The following STMND1 variants were observed in gnomAD, a reference collection of about 807,000 sequenced individuals.
The protein encoded by STMND1 is stathmin domain-containing protein 1.
STMND1 carries 17 observed loss-of-function variants against 23.0 expected under a neutral mutation model. That is an observed-to-expected ratio of 0.74 (90% CI 0.51 to 1.11). The LOEUF (loss-of-function observed/expected upper bound fraction) is 1.11, where lower values mean the gene tolerates loss of function less well. Among genes scored for constraint, STMND1 ranks in the 50% least tolerant of loss-of-function variants. The pLI, the probability that STMND1 is intolerant of heterozygous loss-of-function variation, is 0.00. For missense variants in STMND1, 305 were observed against 329.1 expected (o/e 0.93, Z 0.57); for synonymous variants, 114 against 119.9 (o/e 0.95, Z 0.32).
In STMND1 at chr6:17,120,747, T is replaced by C; in HGVS notation, c.400T>C (p.Tyr134His). 1.3e-6 allele frequency: 2 copies of C among 1,527,112 alleles called. No individual in the cohort carries two copies. The highest frequency in any genetic ancestry group is 1.7e-6 in the Non-Finnish European group (2 of 1,144,212). 94.6% of individuals were successfully genotyped at this position (1,527,112 alleles called of 1,614,324 possible). A position where few individuals can be genotyped will look rare whatever the true frequency, so the allele number is the denominator to read the frequency against. The stretch of plus-strand genomic sequence containing the variant: ...CAAAGTATTTAGAAATGGAGAATCA[T>C]ATGATGTCACGGCAAGTAATTTTGT... Reference protein sequence around the residue: ...HSKVFRNGESYDVTLTTTEKP... With the variant: ...HSKVFRNGESHDVTLTTTEKP... Residue 134 changes from tyrosine (Y) to histidine (H), a missense_variant, in exon 3 of 5, where the codon TAT becomes CAT. Tyr to His is a moderately conservative substitution (Grantham distance 83, BLOSUM62 2). Coordinates refer to ENST00000536551, the MANE Select transcript of STMND1 (RefSeq NM_001190766.2).
Position 17,103,282 on chromosome 6 carries a change from G to A in STMND1, c.81+944G>A, listed in dbSNP as rs114639237. Reference sequence around the variant, plus strand: ...GGGACTTATGGCCACCTTTCCGAAGGGTCATTTTTGGAGCTACTGTTCAAA... The same window carrying A: ...GGGACTTATGGCCACCTTTCCGAAGAGTCATTTTTGGAGCTACTGTTCAAA... On this transcript the variant is annotated intron_variant, in intron 1 of 4. Transcript: ENST00000536551. Among the ~76,000 whole-genome samples the A allele has an allele frequency of 7.3e-3, 1,116 of 152,252 alleles. 14 individuals are homozygous for A. Among genetic ancestry groups the A allele is most frequent in the African/African-American group, 0.026 (1,070 of 41,532 alleles).
intron 1 of STMND1, chr6:17,110,629 G>A (rs1206241562): frequency 1.3e-5 from 4 of 318,282 alleles, no homozygotes; most frequent in South Asian, 7.6e-5. Context: ...TTAGCCGGGC[G>A]TGGTGGTGCG....
rs1471979090 is a variant in STMND1, at chr6:17,102,307, C to A, written c.50C>A (p.Ala17Glu). 1.0e-5 allele frequency: 16 copies of A among 1,536,002 alleles called. No homozygotes were observed. Among genetic ancestry groups the A allele is most frequent in the Admixed American group, 2.0e-5 (1 of 51,000 alleles). ...GCTGAAGACCGGAGACGTGTACGCG[C>A]GCCCAAGAAGGGCTGGAAAGAGGAA... Reference protein sequence around the residue: ...QPAEDRRRVRAPKKGWKEEFK... With the variant: ...QPAEDRRRVREPKKGWKEEFK... The change falls in exon 1 of 5, where the codon GCG (alanine) becomes GAG (glutamate). Residue 17 changes from alanine to glutamate, a missense_variant. Ala to Glu is a moderately radical substitution (Grantham distance 107). Coordinates refer to ENST00000536551, the MANE Select transcript of STMND1 (RefSeq NM_001190766.2).
chr6:17,126,053 TA>T (rs1561925699), intron 3 of STMND1, among the ~76,000 whole-genome samples: 2,654 of 34,594 alleles, frequency 0.077, 146 homozygotes, highest in Non-Finnish European at 0.097. Flanking sequence ...TATATATATA[TA>T]TATATATATA....
At position 17,102,168 on chromosome 6, in the gene STMND1, C is replaced by T; in HGVS notation, c.-90C>T. On this transcript the variant is annotated 5_prime_UTR_variant, in exon 1 of 5. Transcript: ENST00000536551. ...GGGCGTAGGGCGCAGGGCGCAGGAGCGCGGGACCACCGGCGCCGGAGCGCG... is the reference window on the plus strand; with the variant it reads ...GGGCGTAGGGCGCAGGGCGCAGGAGTGCGGGACCACCGGCGCCGGAGCGCG... 7.6e-7 allele frequency: 1 copy of T among 1,313,884 alleles called. No individual in the cohort carries two copies. The allele number at this position is 1,313,884 out of a possible 1,614,324, so 81.4% of individuals were successfully genotyped here. A position where few individuals can be genotyped will look rare whatever the true frequency, so the allele number is the denominator to read the frequency against.
At position 17,115,157 on chromosome 6, in the gene STMND1, C is replaced by G. The variant is rs528135413; in HGVS notation, c.259+18C>G. 3.3e-5 allele frequency: 50 copies of G among 1,527,578 alleles called. No homozygotes were observed. The African/African-American group carries it at 6.1e-4, about 19-fold the overall frequency. The allele number at this position is 1,527,578 out of a possible 1,614,324, so 94.6% of individuals were successfully genotyped here. The stretch of plus-strand genomic sequence containing the variant: ...AAATTCAGGTAACCTCCCTCTGCCC[C>G]CATTCACGTAGATCTTCACAAAATA... On this transcript the variant is annotated intron_variant, in intron 2 of 4. Coordinates refer to ENST00000536551, the MANE Select transcript of STMND1 (RefSeq NM_001190766.2).
intron 1 of STMND1, among the ~76,000 whole-genome samples, chr6:17,110,045 A>C (rs936311866): frequency 3.9e-5 from 6 of 152,190 alleles, no homozygotes; most frequent in Non-Finnish European, 7.3e-5. Context: ...CTGGACACAC[A>C]ATATGATTCC....
At chr6:17,120,490 GTTGAAACTAAGATCTAA>G (rs1761218679) in intron 2 of STMND1, 100 bp from the exon 3 acceptor site, 2 of 714,570 alleles carry the variant, frequency 2.8e-6, no homozygotes. Flanking sequence ...TATATTAAGT[GTTGAAACTAAGATCTAA>G]TTAAGTAGCA....
Position 17,114,994 on chromosome 6 carries a change from T to C in STMND1, c.114T>C (p.Asn38=), listed in dbSNP as rs927075318. 25 of 1,532,776 alleles carry C rather than the reference T, an allele frequency of 1.6e-5. No homozygotes were observed. In the African/African-American group the frequency reaches 2.2e-4, roughly 13 times the overall value. 94.9% of individuals were successfully genotyped at this position (1,532,776 alleles called of 1,614,324 possible). ...TCAGTGTGCCTCATACTGGGGAAAA[T>C]TGCAGCCCCCGGATGGAAGCTGCTC... ...ADVSVPHTGE[N]CSPRMEAALT... is the part of the protein sequence containing the mutation. The change falls in exon 2 of 5, where the codon AAT becomes AAC. Residue 38 remains asparagine, a synonymous_variant. Coordinates refer to ENST00000536551, the MANE Select transcript of STMND1 (RefSeq NM_001190766.2).
intron 1 of STMND1, chr6:17,110,769 A>T (rs1279370577): frequency 1.1e-5 from 5 of 455,580 alleles, no homozygotes; most frequent in African/African-American, 6.0e-5. Context: ...CTCTGTCTCA[A>T]AAAAATAAAA....
At chr6:17,117,339 G>T (rs1351966630) in intron 2 of STMND1, among the ~76,000 whole-genome samples, 3 of 152,140 alleles carry the variant, frequency 2.0e-5, no homozygotes, top group Non-Finnish European at 4.4e-5. Flanking sequence ...AAAGTGCTGG[G>T]ATTACAGGTG....
At position 17,114,945 on chromosome 6, in the gene STMND1, C is replaced by T. The variant is rs956682493; in HGVS notation, c.82-17C>T. 3 of 1,500,326 alleles carry T rather than the reference C, an allele frequency of 2.0e-6. No homozygotes were observed. The highest frequency in any genetic ancestry group is 2.6e-6 in the Non-Finnish European group (3 of 1,133,590). 92.9% of individuals were successfully genotyped at this position (1,500,326 alleles called of 1,614,324 possible). On this transcript the variant is annotated splice_polypyrimidine_tract_variant and intron_variant, in intron 1 of 4. Coordinates refer to ENST00000536551, the MANE Select transcript of STMND1 (RefSeq NM_001190766.2). ...CCAAGAAATCTTGACTCTAACAAAA[C>T]TGTTCCCTTTTCACAGGCTGATGTC...
chr6:17,117,064 C>CT (rs558605566), intron 2 of STMND1, among the ~76,000 whole-genome samples: 2,598 of 151,680 alleles, frequency 0.017, 37 homozygotes, highest in Non-Finnish European at 0.026. Flanking sequence ...GGGAAATTAC[C>CT]TTTTTTTTGT....
chr6:17,111,945 T>C (rs531187741), intron 1 of STMND1, among the ~76,000 whole-genome samples: 8 of 152,338 alleles, frequency 5.3e-5, no homozygotes, highest in African/African-American at 1.9e-4. Context: ...ATCCCATTAA[T>C]GAGGGAGTAT....
At chr6:17,111,042 A>G (rs753457918) in intron 1 of STMND1, among the ~76,000 whole-genome samples, 7 of 152,088 alleles carry the variant, frequency 4.6e-5, no homozygotes, top group Non-Finnish European at 7.3e-5. Context: ...AAATTTACTT[A>G]CTCTAAAAAT....
At chr6:17,105,119 G>A (rs894201023) in intron 1 of STMND1, among the ~76,000 whole-genome samples, 1 of 152,276 alleles carries the variant, frequency 6.6e-6, no homozygotes, top group Non-Finnish European at 1.5e-5. Flanking sequence ...ACAGAAGGAT[G>A]TGCATAGATT....
intron 3 of STMND1, among the ~76,000 whole-genome samples, chr6:17,124,136 A>T (rs1761265986): frequency 6.6e-6 from 1 of 151,768 alleles, no homozygotes; most frequent in African/African-American, 2.4e-5. Flanking sequence ...CAAAACAAAG[A>T]TATTATTATG....
chr6:17,103,159 G>A (rs1441338811), intron 1 of STMND1, among the ~76,000 whole-genome samples: 1 of 152,158 alleles, frequency 6.6e-6, no homozygotes, highest in Non-Finnish European at 1.5e-5. Context: ...GAAAGATAAG[G>A]CTAACATATA....
intron 1 of STMND1, chr6:17,110,971 A>T: frequency 2.3e-6 from 1 of 441,552 alleles, no homozygotes; most frequent in African/African-American, 2.0e-5. Context: ...GCACCTGGAG[A>T]GAGAAGACAT....
Sources: gnomAD v4.1 joint callset for allele counts (sites outside exome capture counted in the v4.1 genomes callset) on GRCh38, gnomAD v4.1.1 for gene constraint, MANE v1.5 for transcripts, NCBI Gene and HGNC (gene_info 2026-07-23, HGNC 2026-07-21) for gene names.